The following FREM2 variants were observed in gnomAD, a reference collection of about 807,000 sequenced individuals.
FREM2 encodes the protein FRAS1 related extracellular matrix 2.
In FREM2, 119 loss-of-function variants were observed where a neutral mutation model predicts 219.9. That is an observed-to-expected ratio of 0.54 (90% CI 0.47 to 0.63). The LOEUF is 0.63. Among genes scored for constraint, FREM2 ranks in the 30% least tolerant of loss-of-function variants. The probability of loss-of-function intolerance (pLI) is 0.00; values close to 1 mark genes in which losing one functional copy is unlikely to be tolerated. For missense variants in FREM2, 4,030 were observed against 3,993.6 expected (o/e 1.01, Z -0.25); for synonymous variants, 1,562 against 1,522.8 (o/e 1.03, Z -0.60).
In FREM2 at chr13:38,687,892, C is replaced by G. The variant is rs1869558669; in HGVS notation, c.548C>G (p.Thr183Ser). The change falls in exon 1 of 24, where the codon ACT (threonine) becomes AGT (serine). Residue 183 changes from threonine (T) to serine (S), a missense_variant. Transcript: ENST00000280481. ...GTCTTCACCCAGCTGGAGGTTGTGA[C>G]TCGGAACTTGCCTCTGGTCGTGGAA... ...EVVFTQLEVV[T>S]RNLPLVVEEL... The G allele has an allele frequency of 4.4e-6, 7 of 1,585,516 alleles. No homozygotes were observed. The Admixed American group carries it at 5.3e-5, about 12-fold the overall frequency.
At chr13:38,804,719 A>G (rs1239479509) in intron 6 of FREM2, among the ~76,000 whole-genome samples, 1 of 152,194 alleles carries the variant, frequency 6.6e-6, no homozygotes, top group Non-Finnish European at 1.5e-5. Flanking sequence ...AAAAGGATGT[A>G]GATGAATGAA....
At chr13:38,827,112 A>G (rs1041174589) in intron 6 of FREM2, among the ~76,000 whole-genome samples, 1 of 152,104 alleles carries the variant, frequency 6.6e-6, no homozygotes, top group Non-Finnish European at 1.5e-5. Flanking sequence ...AAAAAGTACT[A>G]TTTAATTTTT....
chr13:38,788,919 C>A (rs1342640410), intron 6 of FREM2, among the ~76,000 whole-genome samples: 2 of 152,016 alleles, frequency 1.3e-5, no homozygotes, highest in Non-Finnish European at 1.5e-5. Flanking sequence ...ATTACATAAT[C>A]TTTTCCTTCA....
intron 6 of FREM2, among the ~76,000 whole-genome samples, chr13:38,845,442 T>C (rs1877113756): frequency 6.6e-6 from 1 of 152,204 alleles, no homozygotes; most frequent in African/African-American, 2.4e-5. Flanking sequence ...TTCAGTCCTT[T>C]TGAATCTTGT....
At position 38,690,093 on chromosome 13, in the gene FREM2, G is replaced by A. The variant is rs536688833; in HGVS notation, c.2749G>A (p.Glu917Lys). The change falls in exon 1 of 24, where the codon GAA (glutamate) becomes AAA (lysine). Residue 917 changes from glutamate (E) to lysine (K), a missense_variant. Transcript: ENST00000280481. ...GTCCCTGACTGATAGCTGCTCCTTG[G>A]AAGTCAGTGACAGACATCATGTGGT... Reference protein sequence around the residue: ...DKSLTDSCSLEVSDRHHVVPI... With the variant: ...DKSLTDSCSLKVSDRHHVVPI... 31 of 1,614,100 alleles carry A rather than the reference G, an allele frequency of 1.9e-5. No homozygotes were observed. Among genetic ancestry groups the A allele is most frequent in the South Asian group, 7.7e-5 (7 of 91,082 alleles).
At chr13:38,775,812 T>G (rs1229875969) in intron 4 of FREM2, among the ~76,000 whole-genome samples, 1 of 152,072 alleles carries the variant, frequency 6.6e-6, no homozygotes, top group Non-Finnish European at 1.5e-5. Context: ...AGAAACGGGG[T>G]TTCACCATGT....
chr13:38,758,381 A>G (rs2137802798), intron 2 of FREM2, among the ~76,000 whole-genome samples: 1 of 152,282 alleles, frequency 6.6e-6, no homozygotes, highest in East Asian at 1.9e-4. Context: ...CCCCCATTTA[A>G]ACACTATCTC....
At position 38,872,854 on chromosome 13, in the gene FREM2, A is replaced by C. The variant is rs780212022; in HGVS notation, c.8096A>C (p.Glu2699Ala). The C allele has an allele frequency of 6.2e-7, 1 of 1,614,046 alleles. No homozygotes were observed. Among genetic ancestry groups the C allele is most frequent in the South Asian group, 1.1e-5 (1 of 91,082 alleles). ...GGWQHFDLKSELRLTFVYDTA... is the reference protein window; with the variant it reads ...GGWQHFDLKSALRLTFVYDTA... Reference sequence around the variant, plus strand: ...TGGCAGCATTTTGACTTGAAGTCAGAGCTTCGTCTAACTTTTGTGTACGAC... The same window carrying C: ...TGGCAGCATTTTGACTTGAAGTCAGCGCTTCGTCTAACTTTTGTGTACGAC... The change falls in exon 17 of 24, where the codon GAG becomes GCG. Residue 2699 changes from glutamate (E) to alanine (A), a missense_variant. Physicochemically the swap from Glu to Ala is moderately radical, Grantham distance 107. Transcript: ENST00000280481.
intron 6 of FREM2, among the ~76,000 whole-genome samples, chr13:38,820,257 C>G (rs1875988051): frequency 6.6e-6 from 1 of 152,120 alleles, no homozygotes; most frequent in African/African-American, 2.4e-5. Context: ...GCTCTCTTGT[C>G]AAGTCCTCGT....
At chr13:38,841,121 T>G (rs1441825954) in intron 6 of FREM2, among the ~76,000 whole-genome samples, 1 of 152,154 alleles carries the variant, frequency 6.6e-6, no homozygotes, top group Non-Finnish European at 1.5e-5. Context: ...TCCTTATCTG[T>G]GAAAACGGGA....
chr13:38,845,533 A>G (rs1411502996), intron 6 of FREM2, among the ~76,000 whole-genome samples: 1 of 152,218 alleles, frequency 6.6e-6, no homozygotes, highest in Non-Finnish European at 1.5e-5. Flanking sequence ...GTGTCTGTTC[A>G]TACATGGTAA....
At chr13:38,706,826 G>T (rs972230605) in intron 2 of FREM2, among the ~76,000 whole-genome samples, 1 of 151,992 alleles carries the variant, frequency 6.6e-6, no homozygotes, top group Non-Finnish European at 1.5e-5. Context: ...ATCCCAATGA[G>T]TTCAAAAGGA....
intron 2 of FREM2, among the ~76,000 whole-genome samples, chr13:38,743,931 A>G (rs1472274802): frequency 1.3e-5 from 2 of 152,212 alleles, no homozygotes; most frequent in Non-Finnish European, 2.9e-5. Context: ...GTAAGTACAT[A>G]CAAAGGTATA....
chr13:38,864,707 G>A, intron 16 of FREM2, 101 bp downstream of exon 16: 1 of 1,019,930 alleles, frequency 9.8e-7, no homozygotes, highest in Non-Finnish European at 1.5e-6. Context: ...TTCCATCTTG[G>A]TGTTGTAGGT....
At chr13:38,869,294 A>G (rs1316667632) in intron 16 of FREM2, among the ~76,000 whole-genome samples, 3 of 152,206 alleles carry the variant, frequency 2.0e-5, no homozygotes, top group African/African-American at 7.2e-5. Context: ...TATTTACCTT[A>G]TTAGTTAACA....
At chr13:38,858,728 T>C (rs763054010) in intron 13 of FREM2, among the ~76,000 whole-genome samples, 6 of 152,170 alleles carry the variant, frequency 3.9e-5, no homozygotes, top group Admixed American at 1.3e-4. Context: ...ATAGGGAGTT[T>C]TAAATGTCAT....
intron 2 of FREM2, among the ~76,000 whole-genome samples, chr13:38,711,913 C>CTTTTTTTTTTTTTTTTTTTTTTTT (rs1224297915): frequency 9.3e-6 from 1 of 107,602 alleles, no homozygotes; most frequent in African/African-American, 4.4e-5. Flanking sequence ...CTGATAATTT[C>CTTTTTTTTTTTTTTTTTTTTTTTT]TTTTTTTTTT....
chr13:38,714,333 T>G (rs1303266700), intron 2 of FREM2, among the ~76,000 whole-genome samples: 1 of 152,180 alleles, frequency 6.6e-6, no homozygotes, highest in Non-Finnish European at 1.5e-5. Context: ...TAAAATAACA[T>G]CAAAAGTATA....
chr13:38,879,038 T>G, intron 23 of FREM2, 61 bp downstream of exon 23: 2 of 1,453,978 alleles, frequency 1.4e-6, no homozygotes, highest in Non-Finnish European at 1.9e-6. Flanking sequence ...TATGGAACAT[T>G]TATATGCCTC....
Sources: allele counts gnomAD v4.1 joint callset (sites outside exome capture counted in the v4.1 genomes callset), GRCh38; gene constraint gnomAD v4.1.1; transcripts MANE v1.5; gene names NCBI Gene and HGNC (gene_info 2026-07-23, HGNC 2026-07-21).